The following RNF123 variants were observed in gnomAD, a reference collection of about 807,000 sequenced individuals.
The protein encoded by RNF123 is E3 ubiquitin-protein ligase RNF123.
Under a neutral mutation model 168.5 loss-of-function variants are expected in RNF123, and 86 were observed. The ratio of observed to expected loss-of-function variants is 0.51; its 90% CI spans 0.43 to 0.61. The LOEUF is 0.61. Among genes scored for constraint, RNF123 ranks in the 20% least tolerant of loss-of-function variants. The pLI is 0.00. For synonymous variants in RNF123, 666 were observed against 689.1 expected, an observed-to-expected ratio of 0.97 and a Z score of 0.52; for missense variants, 1,419 against 1,729.7, an observed-to-expected ratio of 0.82 and a Z score of 3.19.
intron 3 of RNF123, among the ~76,000 whole-genome samples, chr3:49,693,192 G>A (rs9852529): frequency 0.27 from 40,733 of 151,470 alleles, 5,989 homozygotes; most frequent in Middle Eastern, 0.3. Context: ...GGGACTGCAG[G>A]TGCCCGCCAC....
chr3:49,699,523 C>T lies in RNF123; in HGVS notation c.820C>T (p.Arg274Trp), dbSNP rs370553769. The T allele has an allele frequency of 1.4e-5, 23 of 1,612,380 alleles. No homozygotes were observed. Among genetic ancestry groups the T allele is most frequent in the Middle Eastern group, 1.6e-4 (1 of 6,082 alleles). ...GGACCCACCGAGTGCTGACCTGGTG[C>T]GGGCACAGAGGTTGCTGGGCTGCTT... The part of the protein sequence containing the change: ...LQDPPSADLV[R>W]AQRLLGCFRA... Residue 274 changes from arginine (R) to tryptophan (W), a missense_variant, in exon 11 of 39, where the codon CGG becomes TGG. Transcript: ENST00000327697. The surrounding 1 kb of genome is among the most constrained non-coding windows in gnomAD (Gnocchi z 4.8).
At chr3:49,705,945 A>G (rs1310667608) in intron 24 of RNF123, 37 bp from the exon 25 acceptor site, 1 of 1,593,104 alleles carries the variant, frequency 6.3e-7, no homozygotes, top group East Asian at 2.2e-5. Flanking sequence ...TGAAGTGCCC[A>G]AGGGGCACTC....
Position 49,715,666 on chromosome 3 carries a change from C to T in RNF123, c.3102C>T (p.Leu1034=), listed in dbSNP as rs534459687. 584 of 1,614,232 alleles carry T rather than the reference C, an allele frequency of 3.6e-4. 3 individuals are homozygous for T. The South Asian group carries it at 5.7e-3, about 16-fold the overall frequency. The change falls in exon 32 of 39, where the codon CTC becomes CTT. Residue 1034 remains leucine, a synonymous_variant. Coordinates refer to ENST00000327697, the MANE Select transcript of RNF123 (RefSeq NM_022064.5). ...DVAPSFLNSV[L]NQLNWAFSEF... ...CACCCAGCTTCCTCAACAGCGTCCTCAATCAGCTCAACTGGGCCTTCTCTG... is the reference window on the plus strand; with the variant it reads ...CACCCAGCTTCCTCAACAGCGTCCTTAATCAGCTCAACTGGGCCTTCTCTG...
chr3:49,710,975 T>C (rs2080133762), intron 26 of RNF123, among the ~76,000 whole-genome samples: 1 of 152,184 alleles, frequency 6.6e-6, no homozygotes, highest in Non-Finnish European at 1.5e-5. Flanking sequence ...GATTCACTCC[T>C]GTAAACCAGC....
At chr3:49,705,479 G>A (rs572629602) in intron 23 of RNF123, 55 bp from the exon 24 acceptor site, 247 of 1,533,138 alleles carry the variant, frequency 1.6e-4, no homozygotes, top group Non-Finnish European at 2.1e-4. Flanking sequence ...TGTGAGGCAG[G>A]CTCAGGAGAG....
chr3:49,718,141 T>C lies in RNF123; in HGVS notation c.3500+1664T>C. 1.9e-6 allele frequency: 3 copies of C among 1,613,228 alleles called. No homozygotes were observed. In the South Asian group the frequency reaches 3.3e-5, roughly 18 times the overall value. On this transcript the variant is annotated intron_variant, in intron 35 of 38. Coordinates refer to ENST00000327697, the MANE Select transcript of RNF123 (RefSeq NM_022064.5). Reference sequence around the variant, plus strand: ...GACGCTGGCCTTGCGGCTGGGTGCGTCTGGCGGTGTGGTGCTGAGTACTGA... The same window carrying C: ...GACGCTGGCCTTGCGGCTGGGTGCGCCTGGCGGTGTGGTGCTGAGTACTGA...
intron 3 of RNF123, among the ~76,000 whole-genome samples, chr3:49,692,036 G>A (rs2054175885): frequency 6.6e-6 from 1 of 152,174 alleles, no homozygotes; most frequent in African/African-American, 2.4e-5. Flanking sequence ...TTGAGTCCAG[G>A]AGTTCAAGAC....
rs780341885 is a variant in RNF123 at position 49,721,471 on chromosome 3, G to A, written c.*166G>A. 2 of 986,020 alleles carry A rather than the reference G, an allele frequency of 2.0e-6. No individual in the cohort carries two copies. Among genetic ancestry groups the A allele is most frequent in the Non-Finnish European group, 3.2e-6 (2 of 616,156 alleles). The allele number at this position is 986,020 out of a possible 1,614,324, so 61.1% of individuals were successfully genotyped here. ...TGGGAGCCCAGCCATGGCCCTAATT[G>A]TGCCTGAGCTTGACTTTCAGTCAGG... On this transcript the variant is annotated 3_prime_UTR_variant, in exon 39 of 39. Coordinates refer to ENST00000327697, the MANE Select transcript of RNF123 (RefSeq NM_022064.5).
intron 26 of RNF123, 130 bp from the exon 27 acceptor site, chr3:49,712,349 G>A: frequency 1.2e-6 from 1 of 822,398 alleles, no homozygotes; most frequent in Non-Finnish European, 1.9e-6. Context: ...TACTGCTCAT[G>A]CTTCCTGAAA....
intron 35 of RNF123, chr3:49,718,238 A>C (rs778615839): frequency 6.2e-7 from 1 of 1,611,580 alleles, no homozygotes; most frequent in Non-Finnish European, 8.5e-7. Flanking sequence ...GCACGGCGGC[A>C]GCAGCGGCAG....
chr3:49,702,510 C>G, intron 19 of RNF123, 105 bp downstream of exon 19: 1 of 1,604,526 alleles, frequency 6.2e-7, no homozygotes, highest in Non-Finnish European at 8.5e-7. Context: ...TGCCTAGCCC[C>G]AAGCTTTTCT....
At position 49,701,757 on chromosome 3, in the gene RNF123, G is replaced by T; in HGVS notation, c.1396-54G>T. The T allele has an allele frequency of 2.0e-6, 3 of 1,520,746 alleles. No individual in the cohort carries two copies. In the South Asian group the frequency reaches 3.6e-5, roughly 18 times the overall value. 94.2% of individuals were successfully genotyped at this position (1,520,746 alleles called of 1,614,324 possible). On this transcript the variant is annotated intron_variant, in intron 16 of 38. Coordinates refer to ENST00000327697, the MANE Select transcript of RNF123 (RefSeq NM_022064.5). ...AGTGTGGGTGTTCTGAGTGAAGGAGGCCTGGCTAGGTCCCAGGTGACCCTG... is the reference window on the plus strand; with the variant it reads ...AGTGTGGGTGTTCTGAGTGAAGGAGTCCTGGCTAGGTCCCAGGTGACCCTG...
chr3:49,698,895 TG>T, intron 9 of RNF123, 73 bp downstream of exon 9: 2 of 1,606,048 alleles, frequency 1.2e-6, no homozygotes, highest in African/African-American at 2.7e-5. Flanking sequence ...TCCTGGGCCC[TG>T]TAAGGGGCCA....
In RNF123 at chr3:49,719,463, C is replaced by T. The variant is rs749442706; in HGVS notation, c.3501-1048C>T. 12 of 1,610,052 alleles carry T rather than the reference C, an allele frequency of 7.5e-6. No homozygotes were observed. In the African/African-American group the frequency reaches 1.3e-4, roughly 18 times the overall value. On this transcript the variant is annotated intron_variant, in intron 35 of 38. Coordinates refer to ENST00000327697, the MANE Select transcript of RNF123 (RefSeq NM_022064.5). ...GTGTCCCCAGCAGCACCAACCAGGT[C>T]ATGGCGGCGACCACCAGGGACAGTA...
chr3:49,701,358 A>G, intron 15 of RNF123, 133 bp from the exon 16 acceptor site: 1 of 736,696 alleles, frequency 1.4e-6, no homozygotes, highest in South Asian at 1.6e-5. Context: ...GGTCAGACAC[A>G]TAGCAGCAAC....
Position 49,713,935 on chromosome 3 carries a change from C to T in RNF123, c.2863C>T (p.Leu955=). ...EQRIAMVRNL[L]APYEQRPWAQ... is the part of the protein sequence containing the mutation. The stretch of plus-strand genomic sequence containing the variant: ...GCGTATCGCCATGGTGAGGAACCTC[C>T]TGGCGCCCTATGAGCAGCGGCCCTG... The change falls in exon 30 of 39, where the codon CTG becomes TTG. Residue 955 remains leucine, a synonymous_variant. Coordinates refer to ENST00000327697, the MANE Select transcript of RNF123 (RefSeq NM_022064.5). 1.9e-6 allele frequency: 3 copies of T among 1,613,978 alleles called. No homozygotes were observed. The highest frequency in any genetic ancestry group is 1.7e-6 in the Non-Finnish European group (2 of 1,179,958).
chr3:49,694,066 G>T (rs889336092), intron 3 of RNF123, among the ~76,000 whole-genome samples: 8 of 152,054 alleles, frequency 5.3e-5, no homozygotes, highest in Admixed American at 3.9e-4. Flanking sequence ...TCTTCACTTT[G>T]TTGATCGTTT....
At chr3:49,718,181 G>A in intron 35 of RNF123, 1 of 1,613,158 alleles carries the variant, frequency 6.2e-7, no homozygotes. Context: ...TGTGCGCTCA[G>A]CTCTTGGAGC....
intron 26 of RNF123, among the ~76,000 whole-genome samples, chr3:49,710,440 C>T (rs1192646647): frequency 1.3e-5 from 2 of 151,980 alleles, no homozygotes; most frequent in Non-Finnish European, 2.9e-5. Flanking sequence ...CCACCACGCC[C>T]GGCTAATTTT....
Sources: gnomAD v4.1 joint callset for allele counts (sites outside exome capture counted in the v4.1 genomes callset) on GRCh38, gnomAD v4.1.1 for gene constraint, Gnocchi (gnomAD v3.1) non-coding constraint, MANE v1.5 for transcripts, NCBI Gene and HGNC (gene_info 2026-07-23, HGNC 2026-07-21) for gene names.